Variants in THSD4 observed in about 807,000 individuals in gnomAD.
The protein encoded by THSD4 is thrombospondin type 1 domain containing 4.
THSD4 carries 69 observed loss-of-function variants against 119.0 expected under a neutral mutation model. The observed-to-expected ratio is 0.58, with a 90% CI of 0.48 to 0.71. The LOEUF (loss-of-function observed/expected upper bound fraction) is 0.71, where lower values mean the gene tolerates loss of function less well. Ranked by LOEUF, THSD4 falls within the 30% of genes least tolerant of loss-of-function variation. The probability of loss-of-function intolerance (pLI) is 0.00; values close to 1 mark genes in which losing one functional copy is unlikely to be tolerated. For missense variants in THSD4, 1,393 were observed against 1,391.1 expected (o/e 1.00, Z -0.02); for synonymous variants, 524 against 540.4 (o/e 0.97, Z 0.42).
chr15:71,507,567 G>A (rs2048209486), intron 7 of THSD4, among the ~76,000 whole-genome samples: 1 of 152,180 alleles, frequency 6.6e-6, no homozygotes, highest in Non-Finnish European at 1.5e-5. Flanking sequence ...CCCAAAGTTT[G>A]AAAGGTGGGG....
chr15:71,298,359 T>C (rs2044894723), intron 6 of THSD4, among the ~76,000 whole-genome samples: 1 of 152,188 alleles, frequency 6.6e-6, no homozygotes, highest in South Asian at 2.1e-4. Context: ...ACATTTTATA[T>C]CAGGAAATGT....
intron 1 of THSD4, among the ~76,000 whole-genome samples, chr15:71,126,754 A>G (rs578191646): frequency 3.7e-4 from 56 of 152,372 alleles, no homozygotes; most frequent in Non-Finnish European, 7.3e-4. Context: ...TCAGCAAAGA[A>G]ATAGAAGAAT....
chr15:71,479,965 C>T (rs186654676), intron 7 of THSD4, among the ~76,000 whole-genome samples: 1 of 152,300 alleles, frequency 6.6e-6, no homozygotes, highest in East Asian at 1.9e-4. Context: ...TGTAAGCACA[C>T]ATATGTGTTT....
rs375275074 is a variant in THSD4 at position 71,737,738 on chromosome 15, C to G, written c.1637C>G (p.Pro546Arg). 15 of 1,608,204 alleles carry G rather than the reference C, an allele frequency of 9.3e-6. No homozygotes were observed. The African/African-American group carries it at 1.3e-4, about 14-fold the overall frequency. ...QVPPHRRPGE[P>R]FNGQMVTEGR... ...GCACGCTCACCTCTCCTAGGGGAAC[C>G]CTTCAATGGCCAGATGGTGACAGAA... The change falls in exon 11 of 18, where the codon CCC becomes CGC. Residue 546 changes from proline (P) to arginine (R), a missense_variant. Coordinates refer to ENST00000261862, the MANE Select transcript of THSD4 (RefSeq NM_024817.3).
At chr15:71,318,872 G>A (rs1370242433) in intron 6 of THSD4, among the ~76,000 whole-genome samples, 1 of 152,194 alleles carries the variant, frequency 6.6e-6, no homozygotes, top group African/African-American at 2.4e-5. Context: ...AGAGAACACT[G>A]AGCTGAGAGC....
rs1055187370 is a variant in THSD4 at position 71,677,239 on chromosome 15, CACAA to C, written c.1357+16510_1357+16513del. Among the ~76,000 whole-genome samples the C allele has an allele frequency of 3.3e-5, 5 of 152,226 alleles. 1 individual carries two copies. Among genetic ancestry groups the C allele is most frequent in the Non-Finnish European group, 5.9e-5 (4 of 68,034 alleles). On this transcript the variant is annotated intron_variant, in intron 8 of 17. Transcript: ENST00000261862. ...TGGCAGCCCCTGGAGACGATTAAGT[CACAA>C]ACAACTCAAAGTGATATCCTGACTC... is the stretch of plus-strand genomic sequence containing the variant.
At chr15:71,476,955 C>G (rs1452896019) in intron 7 of THSD4, among the ~76,000 whole-genome samples, 1 of 152,190 alleles carries the variant, frequency 6.6e-6, no homozygotes, top group Admixed American at 6.5e-5. Context: ...AGTGAACGCG[C>G]ACTGGCATCC....
At chr15:71,367,553 G>A (rs2045982033) in intron 6 of THSD4, among the ~76,000 whole-genome samples, 1 of 152,192 alleles carries the variant, frequency 6.6e-6, no homozygotes, top group Admixed American at 6.5e-5. Context: ...CTGTCCTTGT[G>A]ATAGTTTGCT....
At chr15:71,379,446 G>GCTC in intron 6 of THSD4, among the ~76,000 whole-genome samples, 2 of 126,254 alleles carry the variant, frequency 1.6e-5, no homozygotes, top group Non-Finnish European at 1.7e-5. Flanking sequence ...GAAGCAAATG[G>GCTC]CTTCTTTTTT....
Position 71,148,514 on chromosome 15 carries a change from C to A in THSD4, c.30-6349C>A, listed in dbSNP as rs1355232909. Among the ~76,000 whole-genome samples the A allele has an allele frequency of 2.9e-5, 4 of 138,786 alleles. No individual in the cohort carries two copies. In the East Asian group the frequency reaches 9.0e-4, roughly 31 times the overall value. The allele number at this position is 138,786 out of a possible 152,430, so 91.0% of individuals were successfully genotyped here. ...GAAAACAGAGAAAATAAATAGAATG[C>A]ATTTTTTTTTTAAGTTTGGGATTTA... On this transcript the variant is annotated intron_variant, in intron 2 of 17. Coordinates refer to ENST00000261862, the MANE Select transcript of THSD4 (RefSeq NM_024817.3).
intron 6 of THSD4, among the ~76,000 whole-genome samples, chr15:71,390,849 CTTTTTTTTTTTTTTTTTT>C (rs1010882999): frequency 1.1e-5 from 1 of 90,880 alleles, no homozygotes; most frequent in Non-Finnish European, 2.1e-5. Flanking sequence ...TTGGCTAAAT[CTTTTTTTTTTTTTTTTTT>C]TTTTTTTGTA....
intron 6 of THSD4, among the ~76,000 whole-genome samples, chr15:71,403,034 T>G (rs1197746465): frequency 6.6e-6 from 1 of 152,222 alleles, no homozygotes; most frequent in African/African-American, 2.4e-5. Flanking sequence ...TTGGGTATTC[T>G]ACGCATTTCG....
In THSD4 at chr15:71,455,269, G is replaced by A. The variant is rs112526939; in HGVS notation, c.1152+43446G>A. 9.8e-5 allele frequency among the ~76,000 whole-genome samples: 15 copies of A among 152,294 alleles called. No homozygotes were observed. In the East Asian group the frequency reaches 1.5e-3, roughly 16 times the overall value. The stretch of plus-strand genomic sequence containing the variant: ...AGGTTTTCATACTTGATGCAGCAGC[G>A]GCACCACAATGATGAAATCAGAAGG... On this transcript the variant is annotated intron_variant, in intron 7 of 17. Coordinates refer to ENST00000261862, the MANE Select transcript of THSD4 (RefSeq NM_024817.3).
At chr15:71,397,165 C>A (rs1052879316) in intron 6 of THSD4, among the ~76,000 whole-genome samples, 1 of 152,166 alleles carries the variant, frequency 6.6e-6, no homozygotes, top group Admixed American at 6.5e-5. Context: ...AGGAATGTCT[C>A]CCAGCATCTT....
At chr15:71,535,175 C>G (rs1048657190) in intron 7 of THSD4, among the ~76,000 whole-genome samples, 2 of 152,210 alleles carry the variant, frequency 1.3e-5, no homozygotes, top group Admixed American at 6.5e-5. Context: ...CTAATCTACT[C>G]TCTGTCTCCA....
At chr15:71,571,868 C>T (rs977397719) in intron 7 of THSD4, among the ~76,000 whole-genome samples, 1 of 152,208 alleles carries the variant, frequency 6.6e-6, no homozygotes, top group Non-Finnish European at 1.5e-5. Flanking sequence ...CCACAAACAG[C>T]TTATCTTATT....
At position 71,577,091 on chromosome 15, in the gene THSD4, CAAA is replaced by C. The variant is rs33941509; in HGVS notation, c.1153-83427_1153-83425del. ...AGAGTATATTACATGATTGTCCTAA[CAAA>C]AAAAAAAAAAACCTTTAGTACTTTA... On this transcript the variant is annotated intron_variant, in intron 7 of 17. Coordinates refer to ENST00000261862, the MANE Select transcript of THSD4 (RefSeq NM_024817.3). Among the ~76,000 whole-genome samples the C allele has an allele frequency of 2.0e-3, 291 of 142,524 alleles. 4 individuals carry two copies. The highest frequency in any genetic ancestry group is 0.016 in the Admixed American group (222 of 14,178). The allele number at this position is 142,524 out of a possible 152,430, so 93.5% of individuals were successfully genotyped here.
chr15:71,432,174 T>C lies in THSD4; in HGVS notation c.1152+20351T>C, dbSNP rs188683755. ...AGGAAAACTAAACACCATTTTGTAT[T>C]TGCCAATGCTTCCCATGTGATTTTA... On this transcript the variant is annotated intron_variant, in intron 7 of 17. Coordinates refer to ENST00000261862, the MANE Select transcript of THSD4 (RefSeq NM_024817.3). 7.9e-5 allele frequency among the ~76,000 whole-genome samples: 12 copies of C among 152,322 alleles called. No individual in the cohort carries two copies. The East Asian group carries it at 2.3e-3, about 29-fold the overall frequency.
At chr15:71,651,318 A>G (rs1052634494) in intron 7 of THSD4, among the ~76,000 whole-genome samples, 10 of 152,116 alleles carry the variant, frequency 6.6e-5, no homozygotes, top group Non-Finnish European at 2.9e-5. Context: ...TGCCCATCTT[A>G]ATGCAGTTGT....
Sources: allele counts gnomAD v4.1 joint callset (sites outside exome capture counted in the v4.1 genomes callset), GRCh38; gene constraint gnomAD v4.1.1; transcripts MANE v1.5; gene names NCBI Gene and HGNC (gene_info 2026-07-23, HGNC 2026-07-21).